PPP1CC: variants seen among roughly 807,000 people sequenced by gnomAD.
PPP1CC encodes the protein serine/threonine-protein phosphatase PP1-gamma catalytic subunit.
PPP1CC carries 16 observed loss-of-function variants against 38.4 expected under a neutral mutation model. The observed-to-expected ratio is 0.42, with a 90% CI of 0.28 to 0.63. The LOEUF is 0.63. Among genes scored for constraint, PPP1CC ranks in the 30% least tolerant of loss-of-function variants. The probability of loss-of-function intolerance (pLI) is 0.25; values close to 1 mark genes in which losing one functional copy is unlikely to be tolerated. For synonymous variants in PPP1CC, 158 were observed against 136.0 expected (o/e 1.16, Z -1.13); for missense variants, 170 against 391.3 (o/e 0.43, Z 4.77).
At chr12:110,738,897 AG>A (rs981119821) in intron 1 of PPP1CC, among the ~76,000 whole-genome samples, 2 of 152,142 alleles carry the variant, frequency 1.3e-5, no homozygotes, top group Non-Finnish European at 2.9e-5. Context: ...CTAGGAGGAG[AG>A]GAAGTGGGCA....
downstream of PPP1CC, among the ~76,000 whole-genome samples, chr12:110,718,727 T>C (rs1475485214): frequency 2.0e-5 from 3 of 152,190 alleles, no homozygotes; most frequent in African/African-American, 7.2e-5. Context: ...GGACGTTTCA[T>C]AGCTAGGAAC....
At chr12:110,716,074 GCAAGGTAAAGA>G (rs2136530874), downstream of PPP1CC, among the ~76,000 whole-genome samples, 1 of 150,976 alleles carries the variant, frequency 6.6e-6, no homozygotes, top group African/African-American at 2.5e-5. Context: ...CATCCCAATA[GCAAGGTAAAGA>G]CTTATGTCTT....
intron 1 of PPP1CC, among the ~76,000 whole-genome samples, chr12:110,739,482 C>T (rs571339333): frequency 3.9e-5 from 6 of 151,926 alleles, no homozygotes; most frequent in Admixed American, 3.9e-4. Context: ...TTTTATACTG[C>T]ATCAAAAAGA....
At chr12:110,736,538 G>C (rs1026611128) in intron 1 of PPP1CC, among the ~76,000 whole-genome samples, 5 of 152,176 alleles carry the variant, frequency 3.3e-5, no homozygotes, top group African/African-American at 1.2e-4. Flanking sequence ...CAGCTACTCG[G>C]GAGGCTAAGA....
chr12:110,709,376 G>A, the PPP1CC span, among the ~76,000 whole-genome samples: 10 of 150,644 alleles, frequency 6.6e-5, no homozygotes, highest in Admixed American at 2.0e-4. Context: ...TTACAGGCAT[G>A]TGCCACCATG....
At chr12:110,742,322 A>C (rs2070026570) in intron 1 of PPP1CC, among the ~76,000 whole-genome samples, 1 of 152,146 alleles carries the variant, frequency 6.6e-6, no homozygotes, top group African/African-American at 2.4e-5. Context: ...CCATCGCTCC[A>C]AAGACCCGTC....
Position 110,722,366 on chromosome 12 carries a change from G to T in PPP1CC, c.748-97C>A. The stretch of plus-strand genomic sequence containing the variant: ...ATTGAGCCTGATATCTTGTGTTCCA[G>T]AAACACTTTGTATAAATAAGCAATA... On this transcript the variant is annotated intron_variant, in intron 5 of 6. Coordinates refer to ENST00000335007, the MANE Select transcript of PPP1CC (RefSeq NM_002710.4). This position sits in a 1 kb window ranked among gnomAD's most constrained non-coding sequence, Gnocchi z 5.4. 1 of 1,560,542 alleles carries T rather than the reference G, an allele frequency of 6.4e-7. No homozygotes were observed. The highest frequency in any genetic ancestry group is 8.8e-7 in the Non-Finnish European group (1 of 1,137,474).
downstream of PPP1CC, among the ~76,000 whole-genome samples, chr12:110,717,658 A>T (rs1015811131): frequency 4.6e-5 from 7 of 151,838 alleles, no homozygotes; most frequent in South Asian, 4.2e-4. Context: ...AGCCTCCCAA[A>T]GTGCTGGGAT....
the PPP1CC span, among the ~76,000 whole-genome samples, chr12:110,714,517 T>G: frequency 6.6e-6 from 1 of 151,856 alleles, no homozygotes; most frequent in Non-Finnish European, 1.5e-5. Context: ...ATGTGGTGTT[T>G]GTAGGTCAGT....
In PPP1CC at chr12:110,722,718, A is replaced by G. The variant is rs369861718; in HGVS notation, c.524-23T>C. On this transcript the variant is annotated intron_variant, in intron 4 of 6. Transcript: ENST00000335007. This position sits in a 1 kb window ranked among gnomAD's most constrained non-coding sequence, Gnocchi z 5.4. Reference sequence around the variant, plus strand: ...AACCTATTCAATGAGGAAAAAAAAAAAATGAAGAAAGCAGAACTTTTAAAA... The same window carrying G: ...AACCTATTCAATGAGGAAAAAAAAAGAATGAAGAAAGCAGAACTTTTAAAA... 2.5e-4 allele frequency: 389 copies of G among 1,567,218 alleles called. 2 individuals are homozygous for G. The African/African-American group carries it at 5.0e-3, about 20-fold the overall frequency.
At chr12:110,710,208 A>G in the PPP1CC span, among the ~76,000 whole-genome samples, 1 of 152,002 alleles carries the variant, frequency 6.6e-6, no homozygotes, top group Admixed American at 6.6e-5. Context: ...TATTTCCCAA[A>G]GAGAATAGGA....
intron 3 of PPP1CC, among the ~76,000 whole-genome samples, chr12:110,728,347 C>T (rs963663010): frequency 1.4e-4 from 20 of 148,060 alleles, no homozygotes; most frequent in African/African-American, 4.5e-4. Flanking sequence ...TGCAGTGAGG[C>T]GAGATCGCGC....
Position 110,720,459 on chromosome 12 carries a change from T to C in PPP1CC, c.*617A>G. 2.2e-6 allele frequency: 1 copy of C among 445,932 alleles called. No homozygotes were observed. Among genetic ancestry groups the C allele is most frequent in the Non-Finnish European group, 4.0e-6 (1 of 249,950 alleles). 27.6% of individuals were successfully genotyped at this position (445,932 alleles called of 1,614,324 possible). A position where few individuals can be genotyped will look rare whatever the true frequency, so the allele number is the denominator to read the frequency against. ...AATATTTAAAAGAATGGCTTTGTCA[T>C]TTTAAGTATACGGTCGGGGAAAAGT... On this transcript the variant is annotated 3_prime_UTR_variant, in exon 7 of 7. Transcript: ENST00000335007.
At chr12:110,728,937 A>G (rs1204546346) in intron 3 of PPP1CC, among the ~76,000 whole-genome samples, 2 of 152,204 alleles carry the variant, frequency 1.3e-5, no homozygotes, top group Non-Finnish European at 2.9e-5. Context: ...ATCTATGTGA[A>G]TTGAGATGGA....
chr12:110,735,158 A>G (rs1300819054), intron 1 of PPP1CC, among the ~76,000 whole-genome samples: 2 of 150,624 alleles, frequency 1.3e-5, no homozygotes, highest in Non-Finnish European at 3.0e-5. Context: ...GGTTCAAGTG[A>G]TTCTCCTGCC....
At chr12:110,713,092 T>C in the PPP1CC span, among the ~76,000 whole-genome samples, 1 of 151,736 alleles carries the variant, frequency 6.6e-6, no homozygotes, top group Non-Finnish European at 1.5e-5. Flanking sequence ...AAAAAAGAAA[T>C]GAAAACCAGC....
downstream of PPP1CC, among the ~76,000 whole-genome samples, chr12:110,718,827 A>C (rs555960965): frequency 6.6e-6 from 1 of 152,292 alleles, no homozygotes; most frequent in South Asian, 2.1e-4. Context: ...TCTGCTGTCA[A>C]ACAGATTTCA....
intron 3 of PPP1CC, among the ~76,000 whole-genome samples, chr12:110,730,109 A>C (rs2069854800): frequency 6.6e-6 from 1 of 152,260 alleles, no homozygotes. Flanking sequence ...CAGTAATCCC[A>C]GTACTTTGAG....
chr12:110,742,375 T>G (rs1461174712), intron 1 of PPP1CC, among the ~76,000 whole-genome samples: 1 of 150,246 alleles, frequency 6.7e-6, no homozygotes, highest in Non-Finnish European at 1.5e-5. Context: ...AACGTGGGGG[T>G]GGGGAGCGGA....
Sources: allele counts gnomAD v4.1 joint callset (sites outside exome capture counted in the v4.1 genomes callset), GRCh38; gene constraint gnomAD v4.1.1; non-coding constraint Gnocchi (gnomAD v3.1); transcripts MANE v1.5; gene names NCBI Gene and HGNC (gene_info 2026-07-23, HGNC 2026-07-21).